The following EYA1 variants were observed in gnomAD, a reference collection of about 807,000 sequenced individuals.
The protein encoded by EYA1 is protein phosphatase EYA1.
In EYA1, 16 loss-of-function variants were observed where a neutral mutation model predicts 82.0. The observed-to-expected ratio is 0.20, with a 90% CI of 0.13 to 0.30. The LOEUF (loss-of-function observed/expected upper bound fraction) is 0.30. Ranked by LOEUF, EYA1 falls within the 10% of genes least tolerant of loss-of-function variation. EYA1 has a pLI of 1.00. For synonymous variants in EYA1, 261 were observed against 264.4 expected (o/e 0.99, Z 0.12); for missense variants, 633 against 730.7 (o/e 0.87, Z 1.54).
At chr8:71,453,770 A>G (rs929990907) in intron 2 of EYA1, among the ~76,000 whole-genome samples, 6 of 152,178 alleles carry the variant, frequency 3.9e-5, no homozygotes, top group Admixed American at 3.9e-4. Context: ...CCTGAAGGAA[A>G]CACTAAACAT....
intron 8 of EYA1, 63 bp from the exon 9 acceptor site, chr8:71,299,296 A>C: frequency 1.3e-6 from 2 of 1,507,024 alleles, no homozygotes; most frequent in Non-Finnish European, 1.8e-6. Context: ...CTTACATATC[A>C]AAGTGTAACT....
intron 2 of EYA1, among the ~76,000 whole-genome samples, chr8:71,440,045 A>G (rs1372609538): frequency 6.6e-6 from 1 of 152,218 alleles, no homozygotes; most frequent in African/African-American, 2.4e-5. Flanking sequence ...AGGTAGAGAT[A>G]CTTGTGTGGG....
At chr8:71,274,969 C>G (rs796385436) in intron 9 of EYA1, among the ~76,000 whole-genome samples, 1 of 112,126 alleles carries the variant, frequency 8.9e-6, no homozygotes, top group Non-Finnish European at 1.9e-5. Flanking sequence ...AGCGCAAGCG[C>G]GTGCGAGAGC....
intron 2 of EYA1, among the ~76,000 whole-genome samples, chr8:71,533,330 T>C (rs905034314): frequency 5.3e-5 from 8 of 151,988 alleles, no homozygotes; most frequent in Admixed American, 5.2e-4. Flanking sequence ...GTATGACGAG[T>C]AGGTGGGGGG....
At chr8:71,271,355 T>A (rs866169262) in intron 10 of EYA1, among the ~76,000 whole-genome samples, 1 of 152,202 alleles carries the variant, frequency 6.6e-6, no homozygotes, top group Non-Finnish European at 1.5e-5. Flanking sequence ...AGTCACCCTG[T>A]TGTGCTATCA....
intron 2 of EYA1, among the ~76,000 whole-genome samples, chr8:71,420,249 A>G (rs998443866): frequency 5.3e-5 from 8 of 152,334 alleles, no homozygotes; most frequent in African/African-American, 1.7e-4. Flanking sequence ...GTCTGGGGAT[A>G]CTATACTGAA....
At chr8:71,317,260 T>C (rs1018826813) in intron 7 of EYA1, among the ~76,000 whole-genome samples, 2 of 152,224 alleles carry the variant, frequency 1.3e-5, no homozygotes, top group Admixed American at 1.3e-4. Context: ...TTTCATTTCT[T>C]TTATAACTGA....
chr8:71,260,584 C>T (rs7004007), intron 11 of EYA1, among the ~76,000 whole-genome samples: 40,865 of 151,992 alleles, frequency 0.27, 7,968 homozygotes, highest in African/African-American at 0.55. Context: ...AATCTTGAGA[C>T]AGGAGTTATC....
chr8:71,530,312 G>A (rs1586894938), intron 2 of EYA1, among the ~76,000 whole-genome samples: 1 of 152,156 alleles, frequency 6.6e-6, no homozygotes, highest in Admixed American at 6.5e-5. Context: ...TCCCCTCCAG[G>A]TTCCAGAGGG....
At chr8:71,333,400 A>G (rs906982297) in intron 4 of EYA1, among the ~76,000 whole-genome samples, 1 of 151,468 alleles carries the variant, frequency 6.6e-6, no homozygotes, top group Non-Finnish European at 1.5e-5. Flanking sequence ...ATAGCAGGCA[A>G]TATTAAAAAA....
intron 9 of EYA1, among the ~76,000 whole-genome samples, chr8:71,283,633 T>C (rs1295326228): frequency 2.0e-5 from 3 of 152,142 alleles, no homozygotes; most frequent in Admixed American, 2.0e-4. Flanking sequence ...GCCTCTCTCT[T>C]GAGGGATGTG....
In EYA1 at chr8:71,269,866, A is replaced by G. The variant is rs774230687; in HGVS notation, c.967-43T>C. 2.3e-5 allele frequency: 34 copies of G among 1,498,358 alleles called. No homozygotes were observed. In the Middle Eastern group the frequency reaches 5.1e-4, roughly 23 times the overall value. The allele number at this position is 1,498,358 out of a possible 1,614,324, so 92.8% of individuals were successfully genotyped here. A position where few individuals can be genotyped will look rare whatever the true frequency, so the allele number is the denominator to read the frequency against. On this transcript the variant is annotated intron_variant, in intron 10 of 17. Coordinates refer to ENST00000340726, the MANE Select transcript of EYA1 (RefSeq NM_000503.6). ...AATCAATGTGTCTTTGCCTTGGCTGAGAAAGCTGTTATTCAGTTAACTTCA... is the reference window on the plus strand; with the variant it reads ...AATCAATGTGTCTTTGCCTTGGCTGGGAAAGCTGTTATTCAGTTAACTTCA...
intron 1 of EYA1, among the ~76,000 whole-genome samples, chr8:71,357,967 CTTT>C (rs780606370): frequency 6.7e-6 from 1 of 149,862 alleles, no homozygotes; most frequent in Non-Finnish European, 1.5e-5. Flanking sequence ...GATAAATTTC[CTTT>C]TTCTTTTTTT....
chr8:71,403,544 A>C (rs572948361), intron 2 of EYA1: 2 of 152,328 alleles, frequency 1.3e-5, no homozygotes, highest in African/African-American at 2.4e-5. Context: ...TGACATAAAA[A>C]AGGCGAGTAT....
In EYA1 at chr8:71,452,794, G is replaced by A. The variant is rs187690914; in HGVS notation, c.33+82950C>T. Among the ~76,000 whole-genome samples the A allele has an allele frequency of 2.4e-3, 360 of 152,168 alleles. 1 individual carries two copies. The highest frequency in any genetic ancestry group is 8.4e-3 in the African/African-American group (350 of 41,524). ...ACGTCACCATCATCAAAGACCAAAG[G>A]TAGATAAAACCACAAAGATCGGGAA... On this transcript the variant is annotated intron_variant, in intron 2 of 18. Coordinates refer to the EYA1 transcript ENST00000643681.
intron 2 of EYA1, among the ~76,000 whole-genome samples, chr8:71,443,958 G>A (rs770899691): frequency 6.6e-6 from 1 of 152,200 alleles, no homozygotes; most frequent in Admixed American, 6.5e-5. Flanking sequence ...CTCTAGAAAG[G>A]CCAGACACAT....
intron 2 of EYA1, among the ~76,000 whole-genome samples, chr8:71,435,794 G>C (rs1805970171): frequency 6.6e-6 from 1 of 152,032 alleles, no homozygotes. Context: ...GCCTTCTCTT[G>C]GCAATATTCA....
At chr8:71,263,076 T>C (rs1815332162) in intron 11 of EYA1, among the ~76,000 whole-genome samples, 1 of 152,182 alleles carries the variant, frequency 6.6e-6, no homozygotes, top group Admixed American at 6.5e-5. Context: ...GAAAGTGTGC[T>C]TTGGGTTTCA....
chr8:71,448,331 C>T (rs1807067565), intron 2 of EYA1, among the ~76,000 whole-genome samples: 1 of 152,220 alleles, frequency 6.6e-6, no homozygotes, highest in Admixed American at 6.5e-5. Flanking sequence ...TGGATTCCCT[C>T]TCAAGAAACC....
Sources: allele counts gnomAD v4.1 joint callset (sites outside exome capture counted in the v4.1 genomes callset), GRCh38; gene constraint gnomAD v4.1.1; transcripts MANE v1.5; gene names NCBI Gene and HGNC (gene_info 2026-07-23, HGNC 2026-07-21).